The following ELMO1 variants were observed in gnomAD, a reference collection of about 807,000 sequenced individuals.
The protein encoded by ELMO1 is engulfment and cell motility protein 1.
A neutral mutation model predicts 98.9 loss-of-function variants in ELMO1; 26 were observed. The ratio of observed to expected loss-of-function variants is 0.26; its 90% CI spans 0.19 to 0.36. ELMO1 has a LOEUF of 0.36. ELMO1 is among the 10% of genes least tolerant of loss of function. The pLI, the probability that ELMO1 is intolerant of heterozygous loss-of-function variation, is 1.00. For missense variants in ELMO1, 627 were observed against 935.2 expected (o/e 0.67, Z 4.30); for synonymous variants, 346 against 346.0 (o/e 1.00, Z 0.00).
chr7:36,971,500 C>T (rs1377612410), intron 16 of ELMO1, among the ~76,000 whole-genome samples: 5 of 152,162 alleles, frequency 3.3e-5, no homozygotes, highest in Admixed American at 2.0e-4. Context: ...TGACTTAATT[C>T]GTTACATTTT....
intron 13 of ELMO1, among the ~76,000 whole-genome samples, chr7:37,171,820 G>A (rs1182616834): frequency 6.6e-6 from 1 of 152,036 alleles, no homozygotes; most frequent in African/African-American, 2.4e-5. Flanking sequence ...ATTTTAGACT[G>A]ATGGGAAGCA....
chr7:37,390,427 C>A (rs1158828247), intron 1 of ELMO1, among the ~76,000 whole-genome samples: 1 of 151,976 alleles, frequency 6.6e-6, no homozygotes, highest in Non-Finnish European at 1.5e-5. Context: ...TAGGGTGCCC[C>A]AAGGAGCACA....
rs548127626 is a variant in ELMO1 at position 37,448,309 on chromosome 7, C to G, written c.-74+366G>C. Reference sequence around the variant, plus strand: ...AGCGTCGCAACCCTCCCGCGCCCCCCCTCCCGCAGACCCTGGTCGAAATGT... The same window carrying G: ...AGCGTCGCAACCCTCCCGCGCCCCCGCTCCCGCAGACCCTGGTCGAAATGT... On this transcript the variant is annotated intron_variant, in intron 1 of 21. Coordinates refer to ENST00000310758, the MANE Select transcript of ELMO1 (RefSeq NM_014800.11). 5.9e-5 allele frequency among the ~76,000 whole-genome samples: 9 copies of G among 151,960 alleles called. No individual in the cohort carries two copies. In the East Asian group the frequency reaches 7.8e-4, roughly 13 times the overall value.
chr7:37,146,779 T>G (rs1256924410), intron 13 of ELMO1, among the ~76,000 whole-genome samples: 1 of 152,122 alleles, frequency 6.6e-6, no homozygotes, highest in Non-Finnish European at 1.5e-5. Context: ...ATGGTGAATA[T>G]CCTGAGAGCA....
At chr7:36,884,672 G>A (rs189026981) in intron 18 of ELMO1, among the ~76,000 whole-genome samples, 1 of 152,350 alleles carries the variant, frequency 6.6e-6, no homozygotes, top group East Asian at 1.9e-4. Context: ...CAGTAGCAGA[G>A]CTGCACATGA....
chr7:37,324,170 T>C (rs990660646), intron 2 of ELMO1, among the ~76,000 whole-genome samples: 47 of 152,184 alleles, frequency 3.1e-4, no homozygotes, highest in African/African-American at 1.1e-3. Context: ...CCTGTTCCTG[T>C]CTGTTGGCCA....
intron 8 of ELMO1, among the ~76,000 whole-genome samples, chr7:37,226,849 C>T (rs1298874416): frequency 6.6e-6 from 1 of 152,080 alleles, no homozygotes; most frequent in Non-Finnish European, 1.5e-5. Context: ...TGCGTGTGTA[C>T]TATGTAACAG....
chr7:37,397,859 A>G (rs1348302199), intron 1 of ELMO1, among the ~76,000 whole-genome samples: 1 of 152,224 alleles, frequency 6.6e-6, no homozygotes, highest in Non-Finnish European at 1.5e-5. Context: ...AGGAACATGG[A>G]TGGAGCTGGA....
chr7:37,121,437 GAT>G (rs1188492161), intron 14 of ELMO1, among the ~76,000 whole-genome samples: 1 of 152,254 alleles, frequency 6.6e-6, no homozygotes, highest in Non-Finnish European at 1.5e-5. Flanking sequence ...TAAAGGACCT[GAT>G]GGAGCTGAAA....
intron 7 of ELMO1, among the ~76,000 whole-genome samples, chr7:37,238,738 A>G (rs1794604691): frequency 6.6e-6 from 1 of 152,120 alleles, no homozygotes; most frequent in South Asian, 2.1e-4. Flanking sequence ...GCTTGCTGAG[A>G]ATTTTTATTA....
At chr7:37,331,567 T>A (rs1800125282) in intron 2 of ELMO1, among the ~76,000 whole-genome samples, 6 of 152,010 alleles carry the variant, frequency 3.9e-5, no homozygotes, top group Admixed American at 3.9e-4. Context: ...TGCTTTGTCC[T>A]CATAATCTCC....
intron 2 of ELMO1, among the ~76,000 whole-genome samples, chr7:37,337,537 A>C (rs1254135370): frequency 2.6e-5 from 4 of 151,986 alleles, no homozygotes; most frequent in Non-Finnish European, 5.9e-5. Context: ...AAAAAAAAAA[A>C]AAAAACACCT....
At chr7:37,235,882 T>C (rs1424112470) in intron 7 of ELMO1, among the ~76,000 whole-genome samples, 2 of 152,268 alleles carry the variant, frequency 1.3e-5, no homozygotes, top group African/African-American at 2.4e-5. Context: ...ATCGTGCCAT[T>C]GCACTCCAGC....
chr7:37,176,009 C>T (rs1244357465), intron 13 of ELMO1, among the ~76,000 whole-genome samples: 1 of 152,166 alleles, frequency 6.6e-6, no homozygotes, highest in East Asian at 1.9e-4. Flanking sequence ...TCAGATTAGA[C>T]ACAAGAAAGA....
chr7:37,317,546 A>G (rs1799251352), intron 2 of ELMO1, among the ~76,000 whole-genome samples: 1 of 152,234 alleles, frequency 6.6e-6, no homozygotes, highest in Non-Finnish European at 1.5e-5. Flanking sequence ...GGAAGCCATT[A>G]TGTTAAGTGA....
At chr7:37,005,432 C>G (rs1323820845) in intron 16 of ELMO1, among the ~76,000 whole-genome samples, 1 of 152,146 alleles carries the variant, frequency 6.6e-6, no homozygotes, top group Admixed American at 6.5e-5. Context: ...TGGCTCACAA[C>G]TGTAATCCCA....
At chr7:36,901,593 C>T (rs1406295014) in intron 16 of ELMO1, among the ~76,000 whole-genome samples, 2 of 152,350 alleles carry the variant, frequency 1.3e-5, no homozygotes, top group African/African-American at 4.8e-5. Context: ...ATGAAAACAA[C>T]ACCTGGCTTT....
intron 13 of ELMO1, among the ~76,000 whole-genome samples, chr7:37,154,743 G>T: frequency 6.6e-6 from 1 of 152,178 alleles, no homozygotes; most frequent in Admixed American, 6.5e-5. Context: ...CACTCTGCAG[G>T]ATATTACCCA....
intron 16 of ELMO1, among the ~76,000 whole-genome samples, chr7:36,996,523 T>A (rs2129156941): frequency 6.6e-6 from 1 of 152,312 alleles, no homozygotes; most frequent in South Asian, 2.1e-4. Context: ...AGATATGATT[T>A]TCAAGCCTTT....
Sources: allele counts gnomAD v4.1 joint callset (sites outside exome capture counted in the v4.1 genomes callset), GRCh38; gene constraint gnomAD v4.1.1; transcripts MANE v1.5; gene names NCBI Gene and HGNC (gene_info 2026-07-23, HGNC 2026-07-21).